The following SMARCA2 variants were observed in gnomAD, a reference collection of about 807,000 sequenced individuals.
The protein encoded by SMARCA2 is SWI/SNF-related matrix-associated actin-dependent regulator of chromatin subfamily A member 2.
A neutral mutation model predicts 199.8 loss-of-function variants in SMARCA2; 61 were observed. The observed-to-expected ratio is 0.31, with a 90% CI of 0.25 to 0.38. SMARCA2 has a LOEUF of 0.38. SMARCA2 is among the 10% of genes least tolerant of loss of function. SMARCA2 has a pLI of 1.00. For missense variants in SMARCA2, 1,344 were observed against 2,012.2 expected (o/e 0.67, Z 6.35); for synonymous variants, 935 against 732.0 (o/e 1.28, Z -4.48).
rs1440495035 is a variant in SMARCA2, at chr9:2,115,628, C to G, written c.3457-194C>G. On this transcript the variant is annotated intron_variant, in intron 24 of 33. Transcript: ENST00000349721. This position sits in a 1 kb window ranked among gnomAD's most constrained non-coding sequence, Gnocchi z 6.0. ...TTTCAGTTGGCTTGGTTAATTTCAA[C>G]CCAGGTTTCTTCAACTAGGAATGAC... 6.6e-6 allele frequency among the ~76,000 whole-genome samples: 1 copy of G among 152,158 alleles called. No homozygotes were observed. The highest frequency in any genetic ancestry group is 2.4e-5 in the African/African-American group (1 of 41,416).
At chr9:2,167,568 G>A (rs1825998513) in intron 28 of SMARCA2, among the ~76,000 whole-genome samples, 1 of 152,200 alleles carries the variant, frequency 6.6e-6, no homozygotes, top group Admixed American at 6.5e-5. Context: ...CAGAGGGGTG[G>A]CAGCCACGTG....
chr9:2,131,509 T>C (rs903857440), intron 27 of SMARCA2, among the ~76,000 whole-genome samples: 13 of 152,124 alleles, frequency 8.5e-5, no homozygotes, highest in African/African-American at 2.9e-4. Flanking sequence ...GCCATAGAAT[T>C]TCAAGAGGAA....
At chr9:2,019,701 G>T (rs1379649179) in intron 1 of SMARCA2, among the ~76,000 whole-genome samples, 1 of 152,076 alleles carries the variant, frequency 6.6e-6, no homozygotes, top group East Asian at 1.9e-4. Context: ...AGGTAATTGT[G>T]ATGCTCCTTA....
chr9:2,073,154 A>G, intron 10 of SMARCA2, 58 bp from the exon 11 acceptor site: 1 of 1,602,660 alleles, frequency 6.2e-7, no homozygotes, highest in South Asian at 1.1e-5. Context: ...AACGTCCAGT[A>G]CAGGACTGGG....
chr9:2,181,753 G>A, intron 30 of SMARCA2, 77 bp downstream of exon 30: 1 of 809,284 alleles, frequency 1.2e-6, no homozygotes, highest in Non-Finnish European at 2.1e-6. Context: ...GGTTGTAGTT[G>A]GAGCTGACCG....
intron 27 of SMARCA2, among the ~76,000 whole-genome samples, chr9:2,124,663 AGTTT>A (rs1823610542): frequency 6.6e-6 from 1 of 152,040 alleles, no homozygotes; most frequent in Admixed American, 6.6e-5. Flanking sequence ...GTTATTCGGG[AGTTT>A]GTTTATGTTG....
intron 23 of SMARCA2, among the ~76,000 whole-genome samples, chr9:2,105,639 G>A (rs1280834756): frequency 6.6e-6 from 1 of 152,128 alleles, no homozygotes; most frequent in Non-Finnish European, 1.5e-5. Flanking sequence ...AGTCCTATTA[G>A]GCACAGTTTT....
intron 27 of SMARCA2, chr9:2,159,975 G>C (rs1825579799): frequency 1.9e-6 from 3 of 1,556,048 alleles, no homozygotes; most frequent in Non-Finnish European, 2.6e-6. Context: ...ATGTGTAGGT[G>C]TGTAACACAT....
Position 2,123,983 on chromosome 9 carries a change from T to G in SMARCA2, c.3981+46T>G, listed in dbSNP as rs1353077859. 2.0e-6 allele frequency: 3 copies of G among 1,491,836 alleles called. No individual in the cohort carries two copies. In the South Asian group the frequency reaches 3.6e-5, roughly 18 times the overall value. The allele number at this position is 1,491,836 out of a possible 1,614,324, so 92.4% of individuals were successfully genotyped here. ...CCGCTCTCACTAGGTGGAGGGTTTT[T>G]GGTGGCTTGGAGAAACCAGGGGCCT... On this transcript the variant is annotated intron_variant, in intron 27 of 33. Coordinates refer to ENST00000349721, the MANE Select transcript of SMARCA2 (RefSeq NM_003070.5). The surrounding 1 kb of genome is among the most constrained non-coding windows in gnomAD (Gnocchi z 4.1).
Position 2,102,642 on chromosome 9 carries a change from T to C in SMARCA2, c.3125+1026T>C, listed in dbSNP as rs189790557. The stretch of plus-strand genomic sequence containing the variant: ...ACTGTAGAGGGAAAAGGCCCTGCTT[T>C]AGCCTTTCTCCATATCACAGCGTCT... On this transcript the variant is annotated intron_variant, in intron 22 of 33. Coordinates refer to ENST00000349721, the MANE Select transcript of SMARCA2 (RefSeq NM_003070.5). Among the ~76,000 whole-genome samples, 266 of 152,314 alleles carry C rather than the reference T, an allele frequency of 1.7e-3. 2 individuals carry two copies. Among genetic ancestry groups the C allele is most frequent in the Non-Finnish European group, 3.3e-3 (222 of 68,014 alleles).
intron 2 of SMARCA2, among the ~76,000 whole-genome samples, chr9:2,031,663 C>T (rs1044796157): frequency 6.6e-6 from 1 of 152,094 alleles, no homozygotes; most frequent in African/African-American, 2.4e-5. Context: ...TAAATACTCC[C>T]TCTTTTTGTT....
At chr9:2,189,588 C>T (rs1827736238) in intron 32 of SMARCA2, among the ~76,000 whole-genome samples, 1 of 152,090 alleles carries the variant, frequency 6.6e-6, no homozygotes. Flanking sequence ...CGACGTCCTA[C>T]ATCTTTCCGT....
chr9:2,041,522 C>A, intron 4 of SMARCA2: 2 of 397,770 alleles, frequency 5.0e-6, no homozygotes, highest in South Asian at 2.6e-4. Context: ...ATGAAATAGT[C>A]ACCTCCCAAA....
At chr9:2,021,519 G>A (rs2130132441) in intron 1 of SMARCA2, among the ~76,000 whole-genome samples, 1 of 152,166 alleles carries the variant, frequency 6.6e-6, no homozygotes, top group Non-Finnish European at 1.5e-5. Flanking sequence ...CATCCCACTG[G>A]GAGATGCTTT....
chr9:2,135,311 G>T (rs1008722730), intron 27 of SMARCA2, among the ~76,000 whole-genome samples: 2 of 152,154 alleles, frequency 1.3e-5, no homozygotes, highest in African/African-American at 4.8e-5. Context: ...GTGGGTGAGG[G>T]TGAATCTTCT....
chr9:2,152,522 C>T (rs1161151462), intron 27 of SMARCA2, among the ~76,000 whole-genome samples: 1 of 152,074 alleles, frequency 6.6e-6, no homozygotes, highest in Non-Finnish European at 1.5e-5. Flanking sequence ...CGCTGCACTC[C>T]AGCCTGGGCA....
At position 2,029,110 on chromosome 9, in the gene SMARCA2, A is replaced by C; in HGVS notation, c.88A>C (p.Ser30Arg). ...GPSPGPILGPSPGPGPSPGSV... is the reference protein window; with the variant it reads ...GPSPGPILGPRPGPGPSPGSV... ...TTCCCCTGGGCCAATTCTTGGGCCT[A>C]GTCCAGGACCAGGACCATCCCCAGG... The change falls in exon 2 of 34, where the codon AGT (serine) becomes CGT (arginine). Residue 30 changes from serine (S) to arginine (R), a missense_variant. Physicochemically the swap from Ser to Arg is moderately radical, Grantham distance 110. Coordinates refer to ENST00000349721, the MANE Select transcript of SMARCA2 (RefSeq NM_003070.5). 13 of 1,599,406 alleles carry C rather than the reference A, an allele frequency of 8.1e-6. No individual in the cohort carries two copies. Among genetic ancestry groups the C allele is most frequent in the Non-Finnish European group, 1.1e-5 (13 of 1,171,672 alleles).
At chr9:2,043,597 C>T (rs530317353) in intron 4 of SMARCA2, 5 of 151,926 alleles carry the variant, frequency 3.3e-5, no homozygotes, top group Non-Finnish European at 7.4e-5. Flanking sequence ...TGTTTTATTG[C>T]GTTTGTTTTT....
At chr9:2,192,433 T>C in intron 33 of SMARCA2, 1 of 406,386 alleles carries the variant, frequency 2.5e-6, no homozygotes, top group African/African-American at 2.1e-5. Flanking sequence ...AGAGAAAATA[T>C]TAGCCATAAA....
Sources: gnomAD v4.1 joint callset for allele counts (sites outside exome capture counted in the v4.1 genomes callset) on GRCh38, gnomAD v4.1.1 for gene constraint, Gnocchi (gnomAD v3.1) non-coding constraint, MANE v1.5 for transcripts, NCBI Gene and HGNC (gene_info 2026-07-23, HGNC 2026-07-21) for gene names.